DAB1: variants seen among roughly 807,000 people sequenced by gnomAD.
The protein encoded by DAB1 is disabled homolog 1.
A neutral mutation model predicts 64.6 loss-of-function variants in DAB1; 15 were observed. That is an observed-to-expected ratio of 0.23 (90% CI 0.16 to 0.36). DAB1 has a LOEUF of 0.36. DAB1 is among the 10% of genes least tolerant of loss of function. The probability of loss-of-function intolerance (pLI) is 1.00; values close to 1 mark genes in which losing one functional copy is unlikely to be tolerated. For missense variants in DAB1, 596 were observed against 706.7 expected, an observed-to-expected ratio of 0.84 and a Z score of 1.78; for synonymous variants, 235 against 251.9, an observed-to-expected ratio of 0.93 and a Z score of 0.64.
intron 5 of DAB1, among the ~76,000 whole-genome samples, chr1:58,133,835 T>G (rs1454602027): frequency 6.6e-6 from 1 of 152,216 alleles, no homozygotes; most frequent in East Asian, 1.9e-4. Flanking sequence ...GCAATTTTTC[T>G]TCACAGAGCT....
At chr1:57,359,278 A>G (rs573767537) in intron 1 of DAB1, among the ~76,000 whole-genome samples, 2 of 152,216 alleles carry the variant, frequency 1.3e-5, no homozygotes, top group East Asian at 3.9e-4. Context: ...CAAATTGTTA[A>G]AAGACTGAAT....
chr1:58,460,382 T>C (rs536600406), intron 3 of DAB1, among the ~76,000 whole-genome samples: 1 of 152,276 alleles, frequency 6.6e-6, no homozygotes, highest in East Asian at 1.9e-4. Flanking sequence ...CCATACAACC[T>C]TTCTTCTAAT....
chr1:57,096,630 T>C (rs993339927), intron 4 of DAB1, among the ~76,000 whole-genome samples: 1 of 152,170 alleles, frequency 6.6e-6, no homozygotes, highest in Non-Finnish European at 1.5e-5. Flanking sequence ...GTGCCTTGCC[T>C]GACCACCCAA....
At chr1:57,145,567 T>G (rs879868310) in intron 2 of DAB1, 138 bp from the exon 3 acceptor site, 5 of 794,736 alleles carry the variant, frequency 6.3e-6, no homozygotes, top group Non-Finnish European at 9.8e-6. Context: ...GAGAAAAGAA[T>G]AGCAGTATTC....
At chr1:57,427,513 A>G (rs1391962410), upstream of DAB1, among the ~76,000 whole-genome samples, 1 of 152,220 alleles carries the variant, frequency 6.6e-6, no homozygotes, top group Non-Finnish European at 1.5e-5. Context: ...ATGGAAATCA[A>G]AATCAAATGT....
At chr1:57,370,115 T>G (rs1680379956) in intron 1 of DAB1, among the ~76,000 whole-genome samples, 1 of 152,154 alleles carries the variant, frequency 6.6e-6, no homozygotes, top group South Asian at 2.1e-4. Flanking sequence ...ACCACCTTAT[T>G]TCTAATGCTG....
intron 7 of DAB1, among the ~76,000 whole-genome samples, chr1:57,456,006 A>G (rs1043903702): frequency 1.3e-5 from 2 of 152,170 alleles, no homozygotes; most frequent in African/African-American, 2.4e-5. Flanking sequence ...TACTGTGGTT[A>G]AGGCACTGTG....
chr1:58,284,309 C>T (rs1336226419), intron 4 of DAB1, among the ~76,000 whole-genome samples: 1 of 152,242 alleles, frequency 6.6e-6, no homozygotes, highest in Non-Finnish European at 1.5e-5. Flanking sequence ...GGCCCATGGG[C>T]TCTGTTAACC....
intron 7 of DAB1, among the ~76,000 whole-genome samples, chr1:57,560,983 T>C (rs1645043601): frequency 1.3e-5 from 2 of 152,242 alleles, no homozygotes; most frequent in African/African-American, 4.8e-5. Flanking sequence ...TTCTGACCCA[T>C]CTAGCCATAA....
intron 6 of DAB1, among the ~76,000 whole-genome samples, chr1:57,667,116 T>C (rs1294798936): frequency 1.3e-5 from 2 of 152,174 alleles, no homozygotes; most frequent in East Asian, 1.9e-4. Context: ...AGTTTTTGCA[T>C]TGGGTATTCC....
intron 1 of DAB1, chr1:57,864,624 A>G (rs959694053): frequency 3.3e-5 from 5 of 151,690 alleles, no homozygotes; most frequent in African/African-American, 1.2e-4. Flanking sequence ...AGTTATGTGT[A>G]CTGTATCTAA....
chr1:58,187,767 T>C (rs1019798816), intron 4 of DAB1, among the ~76,000 whole-genome samples: 6 of 151,224 alleles, frequency 4.0e-5, no homozygotes, highest in Non-Finnish European at 8.8e-5. Context: ...TTAGTAGAAA[T>C]AGGTTTTCCC....
At chr1:57,960,629 AG>A (rs1252445002) in intron 5 of DAB1, among the ~76,000 whole-genome samples, 1 of 152,250 alleles carries the variant, frequency 6.6e-6, no homozygotes, top group African/African-American at 2.4e-5. Context: ...CTGGTGACTT[AG>A]GAAATGGAAA....
chr1:58,256,737 A>AT (rs1553170978), intron 4 of DAB1, among the ~76,000 whole-genome samples: 81 of 152,032 alleles, frequency 5.3e-4, no homozygotes, highest in Non-Finnish European at 6.0e-4. Flanking sequence ...TAGCCCCAAA[A>AT]TCTATAGACT....
At chr1:58,224,040 C>A (rs1019929846) in intron 4 of DAB1, among the ~76,000 whole-genome samples, 2 of 152,204 alleles carry the variant, frequency 1.3e-5, no homozygotes, top group African/African-American at 4.8e-5. Context: ...CCACTACCTG[C>A]CTCAACTGTG....
intron 7 of DAB1, among the ~76,000 whole-genome samples, chr1:57,535,466 C>T (rs1644714967): frequency 8.1e-6 from 1 of 122,916 alleles, no homozygotes; most frequent in Non-Finnish European, 1.6e-5. Context: ...TTTTGTTGGA[C>T]ATTCTTTTTT....
At chr1:58,132,621 C>T (rs1653691826) in intron 5 of DAB1, among the ~76,000 whole-genome samples, 1 of 152,204 alleles carries the variant, frequency 6.6e-6, no homozygotes, top group South Asian at 2.1e-4. Context: ...CCTGAAGGAG[C>T]TGAAGGAGCA....
At chr1:57,197,404 G>T (rs1664720191) in intron 2 of DAB1, among the ~76,000 whole-genome samples, 1 of 151,768 alleles carries the variant, frequency 6.6e-6, no homozygotes, top group Admixed American at 6.6e-5. Flanking sequence ...ATGAAATGCA[G>T]CATTTTAACT....
chr1:57,860,288 A>G (rs1175232417), intron 1 of DAB1, among the ~76,000 whole-genome samples: 1 of 152,230 alleles, frequency 6.6e-6, no homozygotes, highest in Non-Finnish European at 1.5e-5. Flanking sequence ...ATATGAAGTA[A>G]GTGCTATTAC....
Sources: gnomAD v4.1 joint callset for allele counts (sites outside exome capture counted in the v4.1 genomes callset) on GRCh38, gnomAD v4.1.1 for gene constraint, MANE v1.5 for transcripts, NCBI Gene and HGNC (gene_info 2026-07-23, HGNC 2026-07-21) for gene names.